The following AMPH variants were observed in gnomAD, a reference collection of about 807,000 sequenced individuals.
The protein encoded by AMPH is amphiphysin.
In AMPH, 49 loss-of-function variants were observed where a neutral mutation model predicts 99.1. That is an observed-to-expected ratio of 0.49 (90% CI 0.39 to 0.63). The LOEUF (loss-of-function observed/expected upper bound fraction) is 0.63, where lower values mean the gene tolerates loss of function less well. Among genes scored for constraint, AMPH ranks in the 20% least tolerant of loss-of-function variants. The pLI, the probability that AMPH is intolerant of heterozygous loss-of-function variation, is 0.00. For synonymous variants in AMPH, 314 were observed against 317.3 expected, an observed-to-expected ratio of 0.99 and a Z score of 0.11; for missense variants, 759 against 863.4, an observed-to-expected ratio of 0.88 and a Z score of 1.52.
intron 1 of AMPH, among the ~76,000 whole-genome samples, chr7:38,556,255 A>G (rs2129047436): frequency 6.6e-6 from 1 of 152,328 alleles, no homozygotes; most frequent in South Asian, 2.1e-4. Context: ...AATTCCTGCT[A>G]TCTTTTGGTT....
chr7:38,433,616 T>G (rs1432077858), intron 12 of AMPH, among the ~76,000 whole-genome samples: 1 of 108,366 alleles, frequency 9.2e-6, no homozygotes, highest in Admixed American at 1.1e-4. Context: ...TCCCAGCTAC[T>G]TGGGAGGCTG....
chr7:38,528,226 T>C (rs1327394462), intron 2 of AMPH, among the ~76,000 whole-genome samples: 2 of 152,176 alleles, frequency 1.3e-5, no homozygotes, highest in Non-Finnish European at 2.9e-5. Flanking sequence ...TATTGTTGTC[T>C]GGTTTTGGTA....
chr7:38,609,362 A>G (rs10240067), intron 1 of AMPH, among the ~76,000 whole-genome samples: 5,385 of 152,218 alleles, frequency 0.035, 377 homozygotes, highest in African/African-American at 0.12. Flanking sequence ...CCTGAAAGGC[A>G]TCTGCTAAGC....
At chr7:38,494,380 G>T in intron 4 of AMPH, 53 bp downstream of exon 4, 1 of 1,456,384 alleles carries the variant, frequency 6.9e-7, no homozygotes, top group Non-Finnish European at 9.6e-7. Context: ...TCAGGGGACA[G>T]GTGGACTGAG....
chr7:38,395,624 A>G (rs1784646467), intron 17 of AMPH, among the ~76,000 whole-genome samples: 1 of 152,206 alleles, frequency 6.6e-6, no homozygotes, highest in Non-Finnish European at 1.5e-5. Flanking sequence ...ATCTTATATA[A>G]TATATCCGGG....
At position 38,457,758 on chromosome 7, in the gene AMPH, C is replaced by T. The variant is rs1238416304; in HGVS notation, c.1017+3525G>A. ...GGTCTTCTCAATGCTATATTACAGT[C>T]AGACTATGTACTAAGGCAAAAATAA... On this transcript the variant is annotated intron_variant, in intron 11 of 20. Transcript: ENST00000356264. Among the ~76,000 whole-genome samples, 22 of 152,264 alleles carry T rather than the reference C, an allele frequency of 1.4e-4. No homozygotes were observed. The East Asian group carries it at 4.0e-3, about 28-fold the overall frequency.
At chr7:38,398,611 G>T (rs1464110164) in intron 17 of AMPH, among the ~76,000 whole-genome samples, 1 of 152,016 alleles carries the variant, frequency 6.6e-6, no homozygotes, top group Admixed American at 6.6e-5. Context: ...GAATAAATAA[G>T]ACCTAGTATT....
chr7:38,453,151 A>T (rs1787098238), intron 11 of AMPH, among the ~76,000 whole-genome samples: 1 of 151,834 alleles, frequency 6.6e-6, no homozygotes, highest in South Asian at 2.1e-4. Context: ...CCCCTTTCTG[A>T]CTCCTCCCCA....
At chr7:38,543,976 AT>A (rs1184415919) in intron 1 of AMPH, among the ~76,000 whole-genome samples, 1 of 152,230 alleles carries the variant, frequency 6.6e-6, no homozygotes, top group African/African-American at 2.4e-5. Flanking sequence ...TTACTCATTA[AT>A]TAATGAGGAA....
rs182861689 is a variant in AMPH at position 38,555,386 on chromosome 7, C to T, written c.70-20375G>A. Among the ~76,000 whole-genome samples the T allele has an allele frequency of 4.6e-3, 704 of 152,226 alleles. 9 individuals are homozygous for T. The highest frequency in any genetic ancestry group is 0.016 in the African/African-American group (674 of 41,532). ...TGCCACTATACTCCAGCCTGGGTGG[C>T]AGAGAGAGACCCTGTCTTTAAAAAT... On this transcript the variant is annotated intron_variant, in intron 1 of 20. Transcript: ENST00000356264.
chr7:38,566,444 G>C (rs12155473), intron 1 of AMPH, among the ~76,000 whole-genome samples: 2 of 151,700 alleles, frequency 1.3e-5, no homozygotes, highest in South Asian at 4.1e-4. Context: ...CATAAAAACC[G>C]TAGAAGAAAA....
At chr7:38,573,344 T>C (rs1241897480) in intron 1 of AMPH, among the ~76,000 whole-genome samples, 1 of 145,470 alleles carries the variant, frequency 6.9e-6, no homozygotes, top group Non-Finnish European at 1.5e-5. Flanking sequence ...TTAAACAGTT[T>C]ATGGATAAAG....
intron 17 of AMPH, among the ~76,000 whole-genome samples, chr7:38,403,331 C>T (rs539404150): frequency 1.3e-5 from 2 of 152,304 alleles, no homozygotes; most frequent in East Asian, 3.9e-4. Context: ...AAACTGCTGA[C>T]CACTAAATTG....
chr7:38,610,693 TAACAA>T (rs1458753798), intron 1 of AMPH, among the ~76,000 whole-genome samples: 10 of 152,236 alleles, frequency 6.6e-5, no homozygotes, highest in African/African-American at 2.4e-4. Context: ...CATTGCCAAA[TAACAA>T]GTAATTGGAA....
intron 12 of AMPH, among the ~76,000 whole-genome samples, chr7:38,433,395 G>T (rs1786116218): frequency 6.6e-6 from 1 of 152,304 alleles, no homozygotes; most frequent in South Asian, 2.1e-4. Flanking sequence ...TGATTATCTA[G>T]ATGATTCTCA....
chr7:38,453,757 G>C (rs755577911), intron 11 of AMPH, among the ~76,000 whole-genome samples: 1 of 152,182 alleles, frequency 6.6e-6, no homozygotes, highest in South Asian at 2.1e-4. Context: ...AGCACACAAG[G>C]CTTCTAGGTG....
In AMPH at chr7:38,598,231, T is replaced by G. The variant is rs921300284; in HGVS notation, c.69+33052A>C. On this transcript the variant is annotated intron_variant, in intron 1 of 20. Transcript: ENST00000356264. ...TGTTAAGTTAGTCTGTTTAAGTCAT[T>G]ACTTGTGTTCGCAATGTTTTTTGTT... Among the ~76,000 whole-genome samples, 16 of 152,218 alleles carry G rather than the reference T, an allele frequency of 1.1e-4. 1 individual carries two copies. The highest frequency in any genetic ancestry group is 4.1e-4 in the South Asian group (2 of 4,830).
intron 2 of AMPH, among the ~76,000 whole-genome samples, chr7:38,534,030 T>A (rs1790505640): frequency 6.7e-6 from 1 of 150,372 alleles, no homozygotes; most frequent in Non-Finnish European, 1.5e-5. Flanking sequence ...CACAATCTGT[T>A]TCTCAACCTC....
intron 2 of AMPH, among the ~76,000 whole-genome samples, chr7:38,512,592 C>G (rs879111889): frequency 6.6e-6 from 1 of 152,066 alleles, no homozygotes; most frequent in Admixed American, 6.5e-5. Context: ...GCAACTAAAG[C>G]GGGTAACAGA....
Sources: gnomAD v4.1 joint callset for allele counts (sites outside exome capture counted in the v4.1 genomes callset) on GRCh38, gnomAD v4.1.1 for gene constraint, MANE v1.5 for transcripts, NCBI Gene and HGNC (gene_info 2026-07-23, HGNC 2026-07-21) for gene names.